Variants in CSMD3 observed in about 807,000 individuals in gnomAD.
The protein encoded by CSMD3 is CUB and Sushi multiple domains 3.
CSMD3 carries 177 observed loss-of-function variants against 435.2 expected under a neutral mutation model. That is an observed-to-expected ratio of 0.41 (90% CI 0.36 to 0.46). CSMD3 has a LOEUF of 0.46. Among genes scored for constraint, CSMD3 ranks in the 20% least tolerant of loss-of-function variants. CSMD3 has a pLI of 0.34. For synonymous variants in CSMD3, 1,656 were observed against 1,520.5 expected (o/e 1.09, Z -2.07); for missense variants, 4,265 against 4,504.6 (o/e 0.95, Z 1.52).
intron 6 of CSMD3, among the ~76,000 whole-genome samples, chr8:112,979,412 T>C (rs2084966462): frequency 6.6e-6 from 1 of 151,704 alleles, no homozygotes; most frequent in Admixed American, 6.6e-5. Context: ...GAAATACTGA[T>C]ATTGGTAATA....
chr8:112,304,929 A>G lies in CSMD3; in HGVS notation c.8072-14T>C, dbSNP rs1398772692. 6 of 1,603,756 alleles carry G rather than the reference A, an allele frequency of 3.7e-6. No homozygotes were observed. The highest frequency in any genetic ancestry group is 5.1e-6 in the Non-Finnish European group (6 of 1,172,352). On this transcript the variant is annotated splice_polypyrimidine_tract_variant and intron_variant, in intron 51 of 70. Transcript: ENST00000297405. Reference sequence around the variant, plus strand: ...GACATGTAACAACTATACAAAAACCAAAGGGTGTAATTGCTAACAAATCAC... The same window carrying G: ...GACATGTAACAACTATACAAAAACCGAAGGGTGTAATTGCTAACAAATCAC...
intron 5 of CSMD3, among the ~76,000 whole-genome samples, chr8:113,077,070 C>T (rs1256029630): frequency 6.6e-6 from 1 of 151,984 alleles, no homozygotes; most frequent in Non-Finnish European, 1.5e-5. Flanking sequence ...GTGGTGGTTA[C>T]AAGTCCACAA....
chr8:113,229,589 C>T lies in CSMD3; in HGVS notation c.514+49003G>A, dbSNP rs375118064. Among the ~76,000 whole-genome samples, 111 of 151,618 alleles carry T rather than the reference C, an allele frequency of 7.3e-4. 1 individual carries two copies. The highest frequency in any genetic ancestry group is 2.5e-3 in the African/African-American group (105 of 41,438). On this transcript the variant is annotated intron_variant, in intron 3 of 70. Transcript: ENST00000297405. ...TGCCAAAGAGTAAGGCAGATGTAAC[C>T]TGAGCTCACAGTTTATAAAATCGTG...
chr8:113,317,102 T>TA (rs879916007), intron 1 of CSMD3, among the ~76,000 whole-genome samples: 10 of 152,124 alleles, frequency 6.6e-5, no homozygotes, highest in Non-Finnish European at 1.0e-4. Flanking sequence ...AGAAGAGGTT[T>TA]AAAAAAAATC....
chr8:112,273,712 T>C (rs187405335), intron 59 of CSMD3, among the ~76,000 whole-genome samples: 4,809 of 120,494 alleles, frequency 0.04, 293 homozygotes, highest in African/African-American at 0.15. Context: ...GGTGACAGAG[T>C]GAGACTCTGT....
At chr8:112,765,840 A>G (rs1328765070) in intron 13 of CSMD3, among the ~76,000 whole-genome samples, 1 of 151,768 alleles carries the variant, frequency 6.6e-6, no homozygotes, top group Non-Finnish European at 1.5e-5. Context: ...CTCGTTGAAC[A>G]TCAAGGAATA....
In CSMD3 at chr8:112,289,473, C is replaced by T; in HGVS notation, c.9040G>A (p.Gly3014Arg). 6.2e-7 allele frequency: 1 copy of T among 1,612,962 alleles called. No homozygotes were observed. The highest frequency in any genetic ancestry group is 1.3e-5 in the African/African-American group (1 of 74,984). ...GTGCAGGAATAGTGAACAGTAGACC[C>T]AAAAGTATACTTCTCGCCAGACAGG... is the stretch of plus-strand genomic sequence containing the variant. Reference protein sequence around the residue: ...AVLSGEKYTFGSTVHYSCTGK... With the variant: ...AVLSGEKYTFRSTVHYSCTGK... The change falls in exon 57 of 71, where the codon GGG becomes AGG. Residue 3014 changes from glycine to arginine, a missense_variant. Gly to Arg is a moderately radical substitution (Grantham distance 125, BLOSUM62 -2). Coordinates refer to ENST00000297405, the MANE Select transcript of CSMD3 (RefSeq NM_198123.2).
At chr8:112,609,201 CAAAAA>C (rs71566035) in intron 22 of CSMD3, among the ~76,000 whole-genome samples, 28 of 43,080 alleles carry the variant, frequency 6.5e-4, no homozygotes, top group African/African-American at 2.4e-3. Flanking sequence ...GATACTGCCT[CAAAAA>C]AAAAAAAAAA....
At chr8:112,306,772 C>G (rs1033929810) in intron 50 of CSMD3, among the ~76,000 whole-genome samples, 1 of 152,116 alleles carries the variant, frequency 6.6e-6, no homozygotes, top group African/African-American at 2.4e-5. Context: ...AAGGCCAGGA[C>G]TTACTGTCTT....
At chr8:113,242,719 G>A (rs2093232463) in intron 3 of CSMD3, among the ~76,000 whole-genome samples, 2 of 151,922 alleles carry the variant, frequency 1.3e-5, no homozygotes, top group African/African-American at 4.8e-5. Flanking sequence ...AACATGAAAT[G>A]TTAACATGTA....
intron 32 of CSMD3, among the ~76,000 whole-genome samples, chr8:112,415,778 A>G (rs1440663395): frequency 6.6e-6 from 1 of 152,212 alleles, no homozygotes; most frequent in Non-Finnish European, 1.5e-5. Context: ...ATGAAGTCAA[A>G]GAAGATCATT....
intron 1 of CSMD3, among the ~76,000 whole-genome samples, chr8:113,354,614 G>T (rs974578745): frequency 1.3e-5 from 2 of 152,076 alleles, no homozygotes; most frequent in African/African-American, 2.4e-5. Flanking sequence ...ACATAACATA[G>T]AAATTTGTTA....
At chr8:113,139,860 A>C (rs1037063038) in intron 4 of CSMD3, among the ~76,000 whole-genome samples, 1 of 151,186 alleles carries the variant, frequency 6.6e-6, no homozygotes, top group Non-Finnish European at 1.5e-5. Context: ...AAATAATAGA[A>C]AAAGCAGTAT....
intron 5 of CSMD3, among the ~76,000 whole-genome samples, chr8:113,040,859 C>T (rs114889300): frequency 0.02 from 2,995 of 152,106 alleles, 108 homozygotes; most frequent in African/African-American, 0.068. Context: ...TAACTTGCTC[C>T]GCTTCTGGAT....
intron 42 of CSMD3, among the ~76,000 whole-genome samples, chr8:112,338,668 T>C (rs1426378088): frequency 6.6e-6 from 1 of 152,180 alleles, no homozygotes. Flanking sequence ...ACTCAAATTT[T>C]TAGGACTAAA....
chr8:113,284,957 A>T (rs1434803304), intron 2 of CSMD3, among the ~76,000 whole-genome samples: 2 of 152,158 alleles, frequency 1.3e-5, no homozygotes, highest in Non-Finnish European at 1.5e-5. Context: ...AAATTGTTTA[A>T]ATTCATGCAG....
At chr8:113,359,264 T>G (rs2094255137) in intron 1 of CSMD3, among the ~76,000 whole-genome samples, 1 of 152,316 alleles carries the variant, frequency 6.6e-6, no homozygotes, top group Admixed American at 6.5e-5. Context: ...CAACAAGTCA[T>G]AACTCTCAGA....
At chr8:112,514,328 T>C (rs551153190) in intron 28 of CSMD3, among the ~76,000 whole-genome samples, 14 of 152,194 alleles carry the variant, frequency 9.2e-5, no homozygotes, top group Non-Finnish European at 1.8e-4. Flanking sequence ...TATCTTTAAA[T>C]ATACTCAACT....
chr8:112,903,052 AT>A (rs1328939774), intron 10 of CSMD3, among the ~76,000 whole-genome samples: 1 of 143,154 alleles, frequency 7.0e-6, no homozygotes, highest in Admixed American at 7.4e-5. Flanking sequence ...TATTTTGCAA[AT>A]TTAAGATGTC....
Sources: gnomAD v4.1 joint callset for allele counts (sites outside exome capture counted in the v4.1 genomes callset) on GRCh38, gnomAD v4.1.1 for gene constraint, MANE v1.5 for transcripts, NCBI Gene and HGNC (gene_info 2026-07-23, HGNC 2026-07-21) for gene names.